CACNA1I: variants seen among roughly 807,000 people sequenced by gnomAD.
CACNA1I encodes calcium voltage-gated channel subunit alpha1 I.
Under a neutral mutation model 201.6 loss-of-function variants are expected in CACNA1I, and 74 were observed. That is an observed-to-expected ratio of 0.37 (90% CI 0.30 to 0.45). CACNA1I has a LOEUF of 0.45. Among genes scored for constraint, CACNA1I ranks in the 20% least tolerant of loss-of-function variants. The pLI is 1.00. For synonymous variants in CACNA1I, 1,431 were observed against 1,345.2 expected, an observed-to-expected ratio of 1.06 and a Z score of -1.40; for missense variants, 2,346 against 3,138.1, an observed-to-expected ratio of 0.75 and a Z score of 6.03.
At chr22:39,605,217 C>A (rs1933184423) in intron 3 of CACNA1I, among the ~76,000 whole-genome samples, 1 of 152,026 alleles carries the variant, frequency 6.6e-6, no homozygotes, top group Non-Finnish European at 1.5e-5. Context: ...TTTCTTCAAG[C>A]TGTGGAGGCA....
intron 3 of CACNA1I, among the ~76,000 whole-genome samples, chr22:39,617,272 G>A (rs950520384): frequency 1.3e-5 from 2 of 152,326 alleles, no homozygotes; most frequent in Admixed American, 6.5e-5. Context: ...AGCTGGGCAG[G>A]TGTGCCCTCT....
Position 39,658,785 on chromosome 22 carries a change from G to A in CACNA1I, c.2145-146G>A. On this transcript the variant is annotated intron_variant, in intron 11 of 36. Coordinates refer to ENST00000402142, the MANE Select transcript of CACNA1I (RefSeq NM_021096.4). The stretch of plus-strand genomic sequence containing the variant: ...AGAGCCCCTGATTAGCTTGTGGCGT[G>A]GAGCAGCATCCAACATATTTGTCAG... 8.5e-6 allele frequency: 6 copies of A among 709,520 alleles called. No individual in the cohort carries two copies. In the Middle Eastern group the frequency reaches 1.5e-3, roughly 182 times the overall value. 44.0% of individuals were successfully genotyped at this position (709,520 alleles called of 1,614,324 possible). A position where few individuals can be genotyped will look rare whatever the true frequency, so the allele number is the denominator to read the frequency against.
At chr22:39,622,672 G>T (rs1365609560) in intron 4 of CACNA1I, among the ~76,000 whole-genome samples, 1 of 151,634 alleles carries the variant, frequency 6.6e-6, no homozygotes, top group Non-Finnish European at 1.5e-5. Context: ...TGAGCGAATG[G>T]CCGGTACTGG....
intron 1 of CACNA1I, among the ~76,000 whole-genome samples, chr22:39,576,154 C>T (rs1932342472): frequency 6.6e-6 from 1 of 152,188 alleles, no homozygotes; most frequent in Non-Finnish European, 1.5e-5. Flanking sequence ...CCTTTTCCCC[C>T]TCTCTGAGCC....
chr22:39,659,533 A>C lies in CACNA1I; in HGVS notation c.2431A>C (p.Ile811Leu). Reference sequence around the variant, plus strand: ...GAACTTCGACTCCCTGCTGTGGGCCATCGTCACTGTGTTCCAGGTGAGTGG... The same window carrying C: ...GAACTTCGACTCCCTGCTGTGGGCCCTCGTCACTGTGTTCCAGGTGAGTGG... ...RKNFDSLLWA[I>L]VTVFQILTQE... is the part of the protein sequence containing the mutation. The change falls in exon 13 of 37, where the codon ATC becomes CTC. Residue 811 changes from isoleucine (I) to leucine (L), a missense_variant. Ile to Leu is a conservative substitution (Grantham distance 5). This residue lies in a region of CACNA1I where 155 missense variants were observed against 300.8 expected (regional missense o/e 0.52). Coordinates refer to ENST00000402142, the MANE Select transcript of CACNA1I (RefSeq NM_021096.4). The surrounding 1 kb of genome is among the most constrained non-coding windows in gnomAD (Gnocchi z 4.3). The C allele has an allele frequency of 6.2e-7, 1 of 1,605,300 alleles. No individual in the cohort carries two copies. The highest frequency in any genetic ancestry group is 2.2e-5 in the East Asian group (1 of 44,574).
At chr22:39,608,892 T>A (rs1315694321) in intron 3 of CACNA1I, among the ~76,000 whole-genome samples, 1 of 152,110 alleles carries the variant, frequency 6.6e-6, no homozygotes, top group African/African-American at 2.4e-5. Flanking sequence ...TGGGAACAGC[T>A]TCTCCACCCT....
rs536910661 is a variant in CACNA1I at position 39,581,279 on chromosome 22, A to G, written c.236+10291A>G. Among the ~76,000 whole-genome samples, 3 of 152,316 alleles carry G rather than the reference A, an allele frequency of 2.0e-5. No homozygotes were observed. The South Asian group carries it at 6.2e-4, about 32-fold the overall frequency. ...CCTGGCTGAGGAAGCAGCCTGATCA[A>G]GGGCTCAGAGCTGAGTTTAGGGTCA... On this transcript the variant is annotated intron_variant, in intron 1 of 36. Transcript: ENST00000402142.
chr22:39,596,474 TG>T (rs1303796690), intron 1 of CACNA1I, among the ~76,000 whole-genome samples: 1 of 27,818 alleles, frequency 3.6e-5, no homozygotes, highest in Non-Finnish European at 6.2e-5. Flanking sequence ...CGGAGAGAGA[TG>T]GGGGAGCAGG....
rs527455186 is a variant in CACNA1I, at chr22:39,681,358, T to C, written c.5664+306T>C. On this transcript the variant is annotated intron_variant, in intron 34 of 36. Coordinates refer to ENST00000402142, the MANE Select transcript of CACNA1I (RefSeq NM_021096.4). ...GGGGGTCATCCCTGGCCGGCGGGGC[T>C]GTGAGGCTGAAGCGAACGGGGGAGT... 2.0e-5 allele frequency among the ~76,000 whole-genome samples: 3 copies of C among 152,322 alleles called. No individual in the cohort carries two copies. In the East Asian group the frequency reaches 5.8e-4, roughly 29 times the overall value.
rs774730241 is a variant in CACNA1I at position 39,570,833 on chromosome 22, A to G, written c.81A>G (p.Gly27=). The G allele has an allele frequency of 1.9e-6, 3 of 1,613,178 alleles. No individual in the cohort carries two copies. In the South Asian group the frequency reaches 3.3e-5, roughly 18 times the overall value. ...AEPGVTTEQP[G]PRSPPSSPPG... is the part of the protein sequence containing the mutation. ...CAGGAGTCACCACGGAGCAGCCCGG[A>G]CCCCGGAGCCCCCCATCCTCCCCGC... Residue 27 remains glycine, a synonymous_variant, in exon 1 of 37, where the codon GGA becomes GGG. Transcript: ENST00000402142.
At chr22:39,631,854 C>A (rs1419795402) in intron 4 of CACNA1I, among the ~76,000 whole-genome samples, 1 of 152,154 alleles carries the variant, frequency 6.6e-6, no homozygotes, top group Non-Finnish European at 1.5e-5. Context: ...GGGGTCCTCC[C>A]TGAATCCCTA....
intron 19 of CACNA1I, 56 bp downstream of exon 19, chr22:39,663,897 A>G: frequency 6.2e-7 from 1 of 1,604,460 alleles, no homozygotes; most frequent in Non-Finnish European, 8.5e-7. Flanking sequence ...ACAGCTCGCC[A>G]GGGCTGAGCA....
chr22:39,652,251 C>T (rs1240350247), intron 10 of CACNA1I, among the ~76,000 whole-genome samples: 1 of 152,316 alleles, frequency 6.6e-6, no homozygotes, highest in African/African-American at 2.4e-5. Context: ...CTGTCTCACC[C>T]TCCCAAAGTG....
intron 3 of CACNA1I, among the ~76,000 whole-genome samples, chr22:39,608,037 C>T (rs893542811): frequency 1.3e-5 from 2 of 149,098 alleles, no homozygotes; most frequent in Non-Finnish European, 3.0e-5. Flanking sequence ...ACTGCTTGAA[C>T]CCAGGAGGCG....
intron 2 of CACNA1I, among the ~76,000 whole-genome samples, chr22:39,599,463 CAAAAA>C (rs1231836690): frequency 9.7e-5 from 14 of 144,376 alleles, no homozygotes; most frequent in South Asian, 9.1e-4. Context: ...ACTAAAAATA[CAAAAA>C]ATTAGCCGGG....
Position 39,677,292 on chromosome 22 carries a change from G to GC in CACNA1I, c.4855-44dup, listed in dbSNP as rs774913103. ...CCTCCACCCTTCCCAGGCCTGGTGC[G>GC]CCCCCACCCGCTCCCCAGCCCCACC... On this transcript the variant is annotated intron_variant, in intron 29 of 36. Transcript: ENST00000402142. The surrounding 1 kb of genome is among the most constrained non-coding windows in gnomAD (Gnocchi z 4.8). 1 of 1,320,822 alleles carries GC rather than the reference G, an allele frequency of 7.6e-7. No homozygotes were observed. The highest frequency in any genetic ancestry group is 1.3e-5 in the South Asian group (1 of 79,566). 81.8% of individuals were successfully genotyped at this position (1,320,822 alleles called of 1,614,324 possible).
intron 10 of CACNA1I, among the ~76,000 whole-genome samples, chr22:39,657,168 C>T (rs977948975): frequency 1.3e-5 from 2 of 152,212 alleles, no homozygotes; most frequent in African/African-American, 2.4e-5. Context: ...CCAGTCGTGG[C>T]CTCTAGTGTG....
In CACNA1I at chr22:39,627,457, G is replaced by A. The variant is rs569419627; in HGVS notation, c.581-7108G>A. Among the ~76,000 whole-genome samples, 8 of 152,320 alleles carry A rather than the reference G, an allele frequency of 5.3e-5. 1 individual carries two copies. In the East Asian group the frequency reaches 7.7e-4, roughly 15 times the overall value. ...GCACACACATCTCTGAAAGGGGGCC[G>A]GGCAGGATGGCACTGTGGTTAGTGC... On this transcript the variant is annotated intron_variant, in intron 4 of 36. Coordinates refer to ENST00000402142, the MANE Select transcript of CACNA1I (RefSeq NM_021096.4).
At chr22:39,635,536 G>A (rs1934191339) in intron 5 of CACNA1I, among the ~76,000 whole-genome samples, 1 of 152,212 alleles carries the variant, frequency 6.6e-6, no homozygotes, top group Admixed American at 6.5e-5. Context: ...CAGAGCTGGA[G>A]GGTGAAAGTT....
Sources: gnomAD v4.1 joint callset for allele counts (sites outside exome capture counted in the v4.1 genomes callset) on GRCh38, gnomAD v4.1.1 for gene constraint, gnomAD v4.1.1 regional missense constraint, Gnocchi (gnomAD v3.1) non-coding constraint, MANE v1.5 for transcripts, NCBI Gene and HGNC (gene_info 2026-07-23, HGNC 2026-07-21) for gene names.